OR4C6: variants seen among roughly 807,000 people sequenced by gnomAD.
OR4C6 encodes the protein olfactory receptor family 4 subfamily C member 6.
A neutral mutation model predicts 13.9 loss-of-function variants in OR4C6; 20 were observed. That is an observed-to-expected ratio of 1.43 (90% CI 1.01 to 2.08). OR4C6 has a LOEUF of 2.08. OR4C6 is among the 30% of genes most tolerant of loss of function. OR4C6 has a pLI of 0.00. For synonymous variants in OR4C6, 193 were observed against 141.5 expected, an observed-to-expected ratio of 1.36 and a Z score of -2.58; for missense variants, 555 against 381.2, an observed-to-expected ratio of 1.46 and a Z score of -3.80.
In OR4C6 at chr11:55,663,625, T is replaced by C. The variant is rs1328367404; in HGVS notation, c.-43+1377T>C. Among the ~76,000 whole-genome samples, 6 of 138,420 alleles carry C rather than the reference T, an allele frequency of 4.3e-5. 1 individual carries two copies. Among genetic ancestry groups the C allele is most frequent in the Admixed American group, 1.6e-4 (2 of 12,790 alleles). The allele number at this position is 138,420 out of a possible 152,430, so 90.8% of individuals were successfully genotyped here. On this transcript the variant is annotated intron_variant, in intron 1 of 1. Transcript: ENST00000314259. The stretch of plus-strand genomic sequence containing the variant: ...CATGCTCAAATACAGATTAAGTTAG[T>C]GATGCAAAGTGGAATAAAATCTACT...
Position 55,665,966 on chromosome 11 carries a change from A to C in OR4C6, c.800A>C (p.Lys267Thr), listed in dbSNP as rs372076695. The stretch of plus-strand genomic sequence containing the variant: ...CCTGTGGTCACTCACCCCATAGACA[A>C]GGCAATGGCTGTGTCAGACTCAATC... ...MRPVVTHPIDKAMAVSDSIIT... is the reference protein window; with the variant it reads ...MRPVVTHPIDTAMAVSDSIIT... Residue 267 changes from lysine (K) to threonine (T), a missense_variant, in exon 2 of 2, where the codon AAG (lysine) becomes ACG (threonine). Physicochemically the swap from Lys to Thr is moderately conservative, Grantham distance 78. Coordinates refer to ENST00000314259, the MANE Select transcript of OR4C6 (RefSeq NM_001004704.2). The C allele has an allele frequency of 1.7e-5, 27 of 1,613,480 alleles. No individual in the cohort carries two copies. In the African/African-American group the frequency reaches 3.2e-4, roughly 19 times the overall value.
chr11:55,662,579 A>T (rs1240273243), intron 1 of OR4C6, among the ~76,000 whole-genome samples: 1 of 139,314 alleles, frequency 7.2e-6, no homozygotes, highest in Non-Finnish European at 1.6e-5. Context: ...AAGTAATGAT[A>T]TATAGAAAAC....
In OR4C6 at chr11:55,665,366, T is replaced by C. The variant is rs764908313; in HGVS notation, c.200T>C (p.Leu67Ser). ...MYFFLTFLSL[L>S]DVMFSSVVAP... ...TTTTTTCTTACCTTCTTGTCCCTTTTGGATGTCATGTTCTCATCTGTCGTT... is the reference window on the plus strand; with the variant it reads ...TTTTTTCTTACCTTCTTGTCCCTTTCGGATGTCATGTTCTCATCTGTCGTT... The change falls in exon 2 of 2, where the codon TTG becomes TCG. Residue 67 changes from leucine to serine, a missense_variant. Leu to Ser is a moderately radical substitution (Grantham distance 145). Coordinates refer to ENST00000314259, the MANE Select transcript of OR4C6 (RefSeq NM_001004704.2). The C allele has an allele frequency of 6.2e-6, 10 of 1,613,606 alleles. No individual in the cohort carries two copies. In the African/African-American group the frequency reaches 1.1e-4, roughly 17 times the overall value.
intron 1 of OR4C6, among the ~76,000 whole-genome samples, chr11:55,663,951 T>G (rs1858700497): frequency 7.2e-6 from 1 of 138,368 alleles, no homozygotes; most frequent in African/African-American, 2.5e-5. Context: ...CCTAGTAATA[T>G]GAGGCATTCT....
rs1342860064 is a variant in OR4C6, at chr11:55,665,862, C to T, written c.696C>T (p.His232=). The T allele has an allele frequency of 6.2e-7, 1 of 1,613,876 alleles. No individual in the cohort carries two copies. The highest frequency in any genetic ancestry group is 8.5e-7 in the Non-Finnish European group (1 of 1,179,974). ...AGTCTTACAGCTCTAAAGGGCGGCA[C>T]AAAGCCCTCTCTACCTGCAGCTCCC... ...SLKSYSSKGR[H]KALSTCSSHL... is the part of the protein sequence containing the mutation. Residue 232 remains histidine (H), a synonymous_variant, in exon 2 of 2, where the codon CAC becomes CAT. Coordinates refer to ENST00000314259, the MANE Select transcript of OR4C6 (RefSeq NM_001004704.2).
At chr11:55,663,917 G>A (rs1293996372) in intron 1 of OR4C6, among the ~76,000 whole-genome samples, 3 of 137,810 alleles carry the variant, frequency 2.2e-5, no homozygotes, top group African/African-American at 7.6e-5. Context: ...TCTTAGATGT[G>A]GCATCCAGGT....
rs750988127 is a variant in OR4C6, at chr11:55,665,472, G to T, written c.306G>T (p.Glu102Asp). The change falls in exon 2 of 2, where the codon GAG (glutamate) becomes GAT (aspartate). Residue 102 changes from glutamate (E) to aspartate (D), a missense_variant. By Grantham distance (45) the Glu-to-Asp change is conservative. Transcript: ENST00000314259. ...GCTGCCTCACCCAGCTGTTTGTGGA[G>T]CATTTCTTTGGTGGTGTGGGGATCA... ...LKGCLTQLFV[E>D]HFFGGVGIIL... is the part of the protein sequence containing the mutation. The T allele has an allele frequency of 4.3e-6, 7 of 1,613,724 alleles. No individual in the cohort carries two copies. The highest frequency in any genetic ancestry group is 1.7e-5 in the Admixed American group (1 of 59,962).
At chr11:55,664,209 A>G (rs1204635963) in intron 1 of OR4C6, among the ~76,000 whole-genome samples, 1 of 152,050 alleles carries the variant, frequency 6.6e-6, no homozygotes, top group African/African-American at 2.4e-5. Flanking sequence ...ATGAAATAAT[A>G]TGGCTAACAT....
At chr11:55,664,227 A>G (rs1353999499) in intron 1 of OR4C6, among the ~76,000 whole-genome samples, 1 of 152,060 alleles carries the variant, frequency 6.6e-6, no homozygotes, top group African/African-American at 2.4e-5. Flanking sequence ...CATATCTGGC[A>G]TAGTGCCCAG....
Position 55,665,196 on chromosome 11 carries a change from C to A in OR4C6, c.30C>A (p.Phe10Leu). Residue 10 changes from phenylalanine to leucine, a missense_variant, in exon 2 of 2, where the codon TTC becomes TTA. Physicochemically the swap from Phe to Leu is conservative, Grantham distance 22. Coordinates refer to ENST00000314259, the MANE Select transcript of OR4C6 (RefSeq NM_001004704.2). The part of the protein sequence containing the change: MENQNNVTE[F>L]ILLGLTENLE... ...AAAATCAAAACAATGTGACTGAATT[C>A]ATTCTTCTGGGTCTCACAGAGAACC... is the stretch of plus-strand genomic sequence containing the variant. 6.2e-7 allele frequency: 1 copy of A among 1,611,726 alleles called. No homozygotes were observed. Among genetic ancestry groups the A allele is most frequent in the Non-Finnish European group, 8.5e-7 (1 of 1,178,766 alleles).
In OR4C6 at chr11:55,665,558, C is replaced by T. The variant is rs760326684; in HGVS notation, c.392C>T (p.Thr131Met). The T allele has an allele frequency of 7.4e-6, 12 of 1,613,760 alleles. No homozygotes were observed. Among genetic ancestry groups the T allele is most frequent in the East Asian group, 2.2e-5 (1 of 44,870 alleles). ...GCCATCTGTAAGCCCCTGCACTACACGATCATCATGAGTCCACGGGTGTGC... is the reference window on the plus strand; with the variant it reads ...GCCATCTGTAAGCCCCTGCACTACATGATCATCATGAGTCCACGGGTGTGC... ...YVAICKPLHY[T>M]IIMSPRVCCL... Residue 131 changes from threonine to methionine, a missense_variant, in exon 2 of 2, where the codon ACG becomes ATG. Thr to Met is a moderately conservative substitution (Grantham distance 81). Coordinates refer to ENST00000314259, the MANE Select transcript of OR4C6 (RefSeq NM_001004704.2).
Position 55,665,254 on chromosome 11 carries a change from C to G in OR4C6, c.88C>G (p.Leu30Val), listed in dbSNP as rs767363396. 3 of 1,612,542 alleles carry G rather than the reference C, an allele frequency of 1.9e-6. No individual in the cohort carries two copies. The highest frequency in any genetic ancestry group is 2.5e-6 in the Non-Finnish European group (3 of 1,178,796). ...GTGGAAAATATTTTCTGCTGTGTTT[C>G]TTGTCATGTATGTAGCCACAGTGCT... ...ELWKIFSAVF[L>V]VMYVATVLEN... The change falls in exon 2 of 2, where the codon CTT becomes GTT. Residue 30 changes from leucine to valine, a missense_variant. Coordinates refer to ENST00000314259, the MANE Select transcript of OR4C6 (RefSeq NM_001004704.2).
At position 55,665,430 on chromosome 11, in the gene OR4C6, T is replaced by A; in HGVS notation, c.264T>A (p.Thr88=). ...TTGTAGACACCCTCTCCAAGAGCAC[T>A]ACCATCTCTCTCAAAGGCTGCCTCA... The part of the protein sequence containing the change: ...KVIVDTLSKS[T]TISLKGCLTQ... Residue 88 remains threonine (T), a synonymous_variant, in exon 2 of 2, where the codon ACT becomes ACA. Coordinates refer to ENST00000314259, the MANE Select transcript of OR4C6 (RefSeq NM_001004704.2). 6.2e-7 allele frequency: 1 copy of A among 1,613,896 alleles called. No individual in the cohort carries two copies. Among genetic ancestry groups the A allele is most frequent in the South Asian group, 1.1e-5 (1 of 91,080 alleles).
chr11:55,665,695 T>C lies in OR4C6; in HGVS notation c.529T>C (p.Cys177Arg), dbSNP rs1353404299. ...TCCTAATATCATAGATCACTTTATA[T>C]GTGATTTGTTTCAGTTGTTGACACT... is the stretch of plus-strand genomic sequence containing the variant. ...CGPNIIDHFI[C>R]DLFQLLTLAC... is the part of the protein sequence containing the mutation. The change falls in exon 2 of 2, where the codon TGT becomes CGT. Residue 177 changes from cysteine to arginine, a missense_variant. Coordinates refer to ENST00000314259, the MANE Select transcript of OR4C6 (RefSeq NM_001004704.2). 8.7e-6 allele frequency: 14 copies of C among 1,613,776 alleles called. No homozygotes were observed. The highest frequency in any genetic ancestry group is 1.2e-5 in the Non-Finnish European group (14 of 1,179,956).
Position 55,665,315 on chromosome 11 carries a change from G to C in OR4C6, c.149G>C (p.Ser50Thr). 6.2e-7 allele frequency: 1 copy of C among 1,613,356 alleles called. No homozygotes were observed. The highest frequency in any genetic ancestry group is 8.5e-7 in the Non-Finnish European group (1 of 1,179,486). ...CTTATTGTGGTAACTATTATCACAAGTCAGAGTCTGAGGTCACCTATGTAT... is the reference window on the plus strand; with the variant it reads ...CTTATTGTGGTAACTATTATCACAACTCAGAGTCTGAGGTCACCTATGTAT... ...NLLIVVTIIT[S>T]QSLRSPMYFF... Residue 50 changes from serine (S) to threonine (T), a missense_variant, in exon 2 of 2, where the codon AGT (serine) becomes ACT (threonine). By Grantham distance (58) the Ser-to-Thr change is moderately conservative. Coordinates refer to ENST00000314259, the MANE Select transcript of OR4C6 (RefSeq NM_001004704.2).
At position 55,663,535 on chromosome 11, in the gene OR4C6, A is replaced by G. The variant is rs1157897064; in HGVS notation, c.-43+1287A>G. On this transcript the variant is annotated intron_variant, in intron 1 of 1. Coordinates refer to ENST00000314259, the MANE Select transcript of OR4C6 (RefSeq NM_001004704.2). ...GAAGAGGACAGAGCCAGTCCTGCTG[A>G]TACTCATCTAGGAAACCATCCTTAT... Among the ~76,000 whole-genome samples, 2 of 138,696 alleles carry G rather than the reference A, an allele frequency of 1.4e-5. 1 individual carries two copies. The highest frequency in any genetic ancestry group is 3.2e-5 in the Non-Finnish European group (2 of 62,438). 91.0% of individuals were successfully genotyped at this position (138,696 alleles called of 152,430 possible). A position where few individuals can be genotyped will look rare whatever the true frequency, so the allele number is the denominator to read the frequency against.
Position 55,665,992 on chromosome 11 carries a change from A to G in OR4C6, c.826A>G (p.Ile276Val). ...DKAMAVSDSI[I>V]TPMLNPLIYT... ...GGCAATGGCTGTGTCAGACTCAATC[A>G]TCACACCCATGTTAAATCCCTTGAT... Residue 276 changes from isoleucine to valine, a missense_variant, in exon 2 of 2, where the codon ATC becomes GTC. Transcript: ENST00000314259. 6.2e-7 allele frequency: 1 copy of G among 1,613,560 alleles called. No homozygotes were observed. Among genetic ancestry groups the G allele is most frequent in the Non-Finnish European group, 8.5e-7 (1 of 1,179,692 alleles).
chr11:55,664,540 C>T (rs1207883049), intron 1 of OR4C6, among the ~76,000 whole-genome samples: 1 of 151,952 alleles, frequency 6.6e-6, no homozygotes, highest in Non-Finnish European at 1.5e-5. Context: ...CAAGAATAAC[C>T]TACTTCATCA....
rs1242061592 is a variant in OR4C6 at position 55,665,410 on chromosome 11, G to C, written c.244G>C (p.Asp82His). 1.2e-6 allele frequency: 2 copies of C among 1,613,762 alleles called. No homozygotes were observed. Among genetic ancestry groups the C allele is most frequent in the Admixed American group, 3.3e-5 (2 of 59,982 alleles). ...TGTCGTTGCCCCCAAGGTGATTGTA[G>C]ACACCCTCTCCAAGAGCACTACCAT... Reference protein sequence around the residue: ...SSVVAPKVIVDTLSKSTTISL... With the variant: ...SSVVAPKVIVHTLSKSTTISL... Residue 82 changes from aspartate (D) to histidine (H), a missense_variant, in exon 2 of 2, where the codon GAC becomes CAC. Asp to His is a moderately conservative substitution (Grantham distance 81). Coordinates refer to ENST00000314259, the MANE Select transcript of OR4C6 (RefSeq NM_001004704.2).
Sources: allele counts gnomAD v4.1 joint callset (sites outside exome capture counted in the v4.1 genomes callset), GRCh38; gene constraint gnomAD v4.1.1; transcripts MANE v1.5; gene names NCBI Gene and HGNC (gene_info 2026-07-23, HGNC 2026-07-21).